The following ADGRL4 variants were observed in gnomAD, a reference collection of about 807,000 sequenced individuals.
ADGRL4 encodes the protein adhesion G protein-coupled receptor L4.
A neutral mutation model predicts 74.8 loss-of-function variants in ADGRL4; 90 were observed. The ratio of observed to expected loss-of-function variants is 1.20; its 90% CI spans 1.02 to 1.43. The LOEUF (loss-of-function observed/expected upper bound fraction) is 1.43. ADGRL4 is among the 40% of genes most tolerant of loss of function. The pLI is 0.00. For missense variants in ADGRL4, 881 were observed against 814.3 expected (o/e 1.08, Z -1.00); for synonymous variants, 311 against 279.2 (o/e 1.11, Z -1.14).
chr1:78,989,436 C>T (rs1295551026), intron 2 of ADGRL4, among the ~76,000 whole-genome samples: 1 of 151,728 alleles, frequency 6.6e-6, no homozygotes, highest in Admixed American at 6.6e-5. Context: ...TTAAAGAACG[C>T]TTACTTTCTT....
chr1:79,002,237 T>C (rs1455123218), intron 2 of ADGRL4, among the ~76,000 whole-genome samples: 1 of 152,110 alleles, frequency 6.6e-6, no homozygotes, highest in Admixed American at 6.5e-5. Context: ...TTTATTACAG[T>C]CAGCTTGCTA....
At chr1:79,006,370 G>C (rs1403717764) in intron 1 of ADGRL4, among the ~76,000 whole-genome samples, 1 of 152,094 alleles carries the variant, frequency 6.6e-6, no homozygotes, top group Non-Finnish European at 1.5e-5. Context: ...ATTTCTTCGG[G>C]GCAGAACAGA....
intron 2 of ADGRL4, among the ~76,000 whole-genome samples, chr1:78,960,781 C>T (rs1254025980): frequency 2.0e-5 from 3 of 152,096 alleles, no homozygotes; most frequent in Non-Finnish European, 4.4e-5. Flanking sequence ...ACCCCTTCCA[C>T]CCTGCAAGGG....
intron 9 of ADGRL4, among the ~76,000 whole-genome samples, 197 bp from the exon 10 acceptor site, chr1:78,920,583 AATCATGTAGCAC>A (rs1434248490): frequency 3.3e-5 from 5 of 151,874 alleles, no homozygotes; most frequent in African/African-American, 1.2e-4. Context: ...ATCTGATGTA[AATCATGTAGCAC>A]TTTAACAGTT....
At position 78,891,176 on chromosome 1, in the gene ADGRL4, CAG is replaced by C; in HGVS notation, c.2049_2050del (p.Cys684LeufsTer14). On this transcript the variant is annotated frameshift_variant, in exon 15 of 15. Transcript: ENST00000370742. LOFTEE classifies it high-confidence loss of function. ...TGTTTACCTTAAACATCCAAAACAA[CAG>C]GGGACATTTTTGAACAATCTGTAAT... is the stretch of plus-strand genomic sequence containing the variant. 3.1e-6 allele frequency: 5 copies of C among 1,611,190 alleles called. No individual in the cohort carries two copies. Among genetic ancestry groups the C allele is most frequent in the South Asian group, 2.2e-5 (2 of 90,726 alleles).
At chr1:79,002,001 T>G (rs1414690873) in intron 2 of ADGRL4, among the ~76,000 whole-genome samples, 3 of 152,118 alleles carry the variant, frequency 2.0e-5, no homozygotes, top group Admixed American at 1.3e-4. Context: ...ATAAGCTGGT[T>G]TACCTCTAGG....
intron 12 of ADGRL4, among the ~76,000 whole-genome samples, chr1:78,905,079 CT>C (rs1401261214): frequency 1.3e-5 from 2 of 151,906 alleles, no homozygotes; most frequent in African/African-American, 4.8e-5. Flanking sequence ...ATTTGTCTGT[CT>C]TTATTTTTGG....
chr1:78,919,108 T>C (rs183086965), intron 10 of ADGRL4, among the ~76,000 whole-genome samples: 4 of 152,098 alleles, frequency 2.6e-5, no homozygotes, highest in Non-Finnish European at 5.9e-5. Flanking sequence ...CACAGTCTAG[T>C]GTATACTATT....
chr1:78,992,650 A>T (rs1650630194), intron 2 of ADGRL4, among the ~76,000 whole-genome samples: 1 of 152,108 alleles, frequency 6.6e-6, no homozygotes, highest in Admixed American at 6.6e-5. Flanking sequence ...ATCTATGCTC[A>T]ATGGCAATGG....
At chr1:78,937,726 T>C in intron 6 of ADGRL4, 81 bp downstream of exon 6, 1 of 1,265,782 alleles carries the variant, frequency 7.9e-7, no homozygotes, top group Non-Finnish European at 1.1e-6. Context: ...TTCAACACCA[T>C]GCCTCCTAAC....
At chr1:78,957,964 A>G (rs1342692403) in intron 2 of ADGRL4, among the ~76,000 whole-genome samples, 1 of 152,126 alleles carries the variant, frequency 6.6e-6, no homozygotes, top group African/African-American at 2.4e-5. Context: ...ACCATTCCAA[A>G]TATCCTGGAG....
chr1:79,001,392 A>G (rs1650841215), intron 2 of ADGRL4, among the ~76,000 whole-genome samples: 1 of 152,082 alleles, frequency 6.6e-6, no homozygotes, highest in African/African-American at 2.4e-5. Context: ...TGAAAACTGA[A>G]AACAAATATT....
intron 9 of ADGRL4, 51 bp from the exon 10 acceptor site, chr1:78,920,437 C>T: frequency 8.9e-7 from 1 of 1,127,406 alleles, no homozygotes; most frequent in Non-Finnish European, 1.3e-6. Flanking sequence ...ACTAAGTTGT[C>T]AAAGGAACTA....
intron 2 of ADGRL4, among the ~76,000 whole-genome samples, chr1:79,001,543 C>G (rs1650845052): frequency 6.6e-6 from 1 of 152,094 alleles, no homozygotes; most frequent in Admixed American, 6.6e-5. Context: ...GGTATGTGCT[C>G]TCACATAAGA....
chr1:78,917,872 A>T lies in ADGRL4; in HGVS notation c.1640T>A (p.Phe547Tyr). The change falls in exon 11 of 15, where the codon TTT becomes TAT. Residue 547 changes from phenylalanine (F) to tyrosine (Y), a missense_variant. Physicochemically the swap from Phe to Tyr is conservative, Grantham distance 22. Transcript: ENST00000370742. Reference sequence around the variant, plus strand: ...ATATCTGTATCCTAGTGCTGCCGAAAATCCAACTACCACGGCTGGGCTTAG... The same window carrying T: ...ATATCTGTATCCTAGTGCTGCCGAATATCCAACTACCACGGCTGGGCTTAG... ...GYLSPAVVVG[F>Y]SAALGYRYYG... 6.2e-7 allele frequency: 1 copy of T among 1,612,718 alleles called. No individual in the cohort carries two copies. Among genetic ancestry groups the T allele is most frequent in the South Asian group, 1.1e-5 (1 of 91,046 alleles).
In ADGRL4 at chr1:78,917,660, T is replaced by TA; in HGVS notation, c.1722dup (p.Ile575TyrfsTer11). On this transcript the variant is annotated frameshift_variant, in exon 12 of 15. Coordinates refer to ENST00000370742, the MANE Select transcript of ADGRL4 (RefSeq NM_022159.4). LOFTEE classifies it high-confidence loss of function. ...AGAATGATTAGGCATGCTGGTCCTA[T>TA]AAAACTCCAAATAAAGTTGTTTTCG... 2 of 1,605,934 alleles carry TA rather than the reference T, an allele frequency of 1.2e-6. No individual in the cohort carries two copies. Among genetic ancestry groups the TA allele is most frequent in the Non-Finnish European group, 1.7e-6 (2 of 1,175,956 alleles).
At position 78,974,314 on chromosome 1, in the gene ADGRL4, T is replaced by A. The variant is rs546194724; in HGVS notation, c.173-27888A>T. 3.3e-5 allele frequency among the ~76,000 whole-genome samples: 5 copies of A among 152,188 alleles called. No individual in the cohort carries two copies. In the South Asian group the frequency reaches 1.0e-3, roughly 32 times the overall value. On this transcript the variant is annotated intron_variant, in intron 2 of 14. Coordinates refer to ENST00000370742, the MANE Select transcript of ADGRL4 (RefSeq NM_022159.4). ...TTTAGGACAATAGTACTATGGTCTA[T>A]CTTCTTCTACATTTTCAGTTATTTA...
intron 12 of ADGRL4, among the ~76,000 whole-genome samples, chr1:78,915,509 T>C (rs780705907): frequency 6.6e-6 from 1 of 151,886 alleles, no homozygotes; most frequent in Non-Finnish European, 1.5e-5. Flanking sequence ...TTTTTTCTTA[T>C]TGGTAGAGAA....
chr1:78,908,098 G>T (rs1450209817), intron 12 of ADGRL4, among the ~76,000 whole-genome samples: 2 of 151,986 alleles, frequency 1.3e-5, no homozygotes, highest in African/African-American at 4.8e-5. Context: ...AGGGGACAGA[G>T]GGATATGACA....
Sources: allele counts gnomAD v4.1 joint callset (sites outside exome capture counted in the v4.1 genomes callset), GRCh38; gene constraint gnomAD v4.1.1; transcripts MANE v1.5; gene names NCBI Gene and HGNC (gene_info 2026-07-23, HGNC 2026-07-21).